The following ATP8A2 variants were observed in gnomAD, a reference collection of about 807,000 sequenced individuals.
The protein encoded by ATP8A2 is ATPase phospholipid transporting 8A2.
ATP8A2 carries 100 observed loss-of-function variants against 165.6 expected under a neutral mutation model. That is an observed-to-expected ratio of 0.60 (90% CI 0.51 to 0.71). The LOEUF (loss-of-function observed/expected upper bound fraction) is 0.71. Ranked by LOEUF, ATP8A2 falls within the 30% of genes least tolerant of loss-of-function variation. ATP8A2 has a pLI of 0.00. For synonymous variants in ATP8A2, 543 were observed against 548.8 expected, an observed-to-expected ratio of 0.99 and a Z score of 0.15; for missense variants, 1,227 against 1,479.5, an observed-to-expected ratio of 0.83 and a Z score of 2.80.
chr13:25,844,554 G>A (rs1286294986), intron 30 of ATP8A2, among the ~76,000 whole-genome samples: 1 of 151,932 alleles, frequency 6.6e-6, no homozygotes, highest in Non-Finnish European at 1.5e-5. Context: ...TTGTCATTTA[G>A]GAGAATGTAT....
At chr13:25,382,381 G>C (rs975325086) in intron 1 of ATP8A2, among the ~76,000 whole-genome samples, 2 of 152,252 alleles carry the variant, frequency 1.3e-5, no homozygotes, top group African/African-American at 4.8e-5. Flanking sequence ...TATAAATAAA[G>C]CTGCTATAAA....
intron 27 of ATP8A2, among the ~76,000 whole-genome samples, chr13:25,816,018 T>C (rs942288727): frequency 2.0e-5 from 3 of 152,168 alleles, no homozygotes; most frequent in Non-Finnish European, 4.4e-5. Context: ...ATATAGAGTT[T>C]AATGGTTTAA....
At chr13:25,458,552 C>T (rs2035423365) in intron 1 of ATP8A2, among the ~76,000 whole-genome samples, 1 of 152,166 alleles carries the variant, frequency 6.6e-6, no homozygotes, top group African/African-American at 2.4e-5. Context: ...CAATTCCAGC[C>T]ACTATAATTT....
chr13:25,399,735 TCCTTCTCCTCTTC>T lies in ATP8A2; in HGVS notation c.76+27449_76+27461del, dbSNP rs879651888. On this transcript the variant is annotated intron_variant, in intron 1 of 36. Coordinates refer to ENST00000381655, the MANE Select transcript of ATP8A2 (RefSeq NM_016529.6). ...TTCTTTTTCTTCTCCTTCCTCTTCC[TCCTTCTCCTCTTC>T]CTCCTTCTCCTCTTCCTCCTCCTCC... is the stretch of plus-strand genomic sequence containing the variant. 9.7e-3 allele frequency among the ~76,000 whole-genome samples: 1,466 copies of T among 151,258 alleles called. 12 individuals are homozygous for T. The highest frequency in any genetic ancestry group is 0.015 in the Non-Finnish European group (1,039 of 67,792).
intron 1 of ATP8A2, among the ~76,000 whole-genome samples, chr13:25,389,996 T>C (rs1000753052): frequency 6.6e-6 from 1 of 152,062 alleles, no homozygotes; most frequent in Admixed American, 6.6e-5. Flanking sequence ...TTGTTTTGTT[T>C]TGTTTTGTTT....
chr13:25,465,479 AT>A (rs200486749), intron 1 of ATP8A2, among the ~76,000 whole-genome samples: 3,313 of 151,224 alleles, frequency 0.022, 134 homozygotes, highest in African/African-American at 0.077. Context: ...CGTGTCAATA[AT>A]TTTTTTCACT....
Position 25,755,312 on chromosome 13 carries a change from A to G in ATP8A2, c.2385-13734A>G, listed in dbSNP as rs148866127. Among the ~76,000 whole-genome samples, 1,446 of 152,288 alleles carry G rather than the reference A, an allele frequency of 9.5e-3. 27 individuals carry two copies. Among genetic ancestry groups the G allele is most frequent in the African/African-American group, 0.033 (1,375 of 41,548 alleles). The stretch of plus-strand genomic sequence containing the variant: ...GGGACAAAGCTACAGAAAGGGAGGC[A>G]TACTGACCCTGCCAAAGTTCCTTCT... On this transcript the variant is annotated intron_variant, in intron 25 of 36. Coordinates refer to ENST00000381655, the MANE Select transcript of ATP8A2 (RefSeq NM_016529.6).
At chr13:25,810,274 G>T (rs1950834613) in intron 27 of ATP8A2, among the ~76,000 whole-genome samples, 1 of 152,206 alleles carries the variant, frequency 6.6e-6, no homozygotes, top group Non-Finnish European at 1.5e-5. Context: ...GTAAGTTAAA[G>T]ATGAGAATTT....
intron 33 of ATP8A2, among the ~76,000 whole-genome samples, chr13:25,894,978 A>G (rs1953489047): frequency 6.6e-6 from 1 of 152,218 alleles, no homozygotes; most frequent in Non-Finnish European, 1.5e-5. Context: ...TGTCATCTGC[A>G]AACAGGGAGA....
chr13:25,761,287 G>T (rs958407636), intron 25 of ATP8A2, among the ~76,000 whole-genome samples: 1 of 152,116 alleles, frequency 6.6e-6, no homozygotes, highest in Non-Finnish European at 1.5e-5. Context: ...ATAGCATCAG[G>T]GTTTGTCATT....
chr13:25,527,420 C>G (rs1593463544), intron 2 of ATP8A2, among the ~76,000 whole-genome samples: 1 of 152,172 alleles, frequency 6.6e-6, no homozygotes, highest in South Asian at 2.1e-4. Flanking sequence ...CTGGTGTGTT[C>G]GAGAAGTACC....
chr13:25,799,923 A>G (rs1040301001), intron 27 of ATP8A2, among the ~76,000 whole-genome samples: 1 of 152,250 alleles, frequency 6.6e-6, no homozygotes, highest in Non-Finnish European at 1.5e-5. Context: ...AAAATGTAGC[A>G]TATTTCCTAA....
chr13:25,919,893 G>A (rs913149768), intron 33 of ATP8A2, among the ~76,000 whole-genome samples: 33 of 151,990 alleles, frequency 2.2e-4, no homozygotes, highest in Non-Finnish European at 3.1e-4. Flanking sequence ...CTCAGGCAGT[G>A]CCCCCACCTC....
chr13:25,832,646 C>T (rs1309510821), intron 28 of ATP8A2, among the ~76,000 whole-genome samples: 1 of 152,124 alleles, frequency 6.6e-6, no homozygotes, highest in African/African-American at 2.4e-5. Context: ...AATTCAGCTG[C>T]CATTCCCAAA....
intron 33 of ATP8A2, among the ~76,000 whole-genome samples, chr13:25,868,728 G>A (rs993961198): frequency 1.3e-5 from 2 of 152,092 alleles, no homozygotes; most frequent in Admixed American, 6.6e-5. Context: ...TCCCCCATCC[G>A]TGTGCATTTC....
intron 24 of ATP8A2, among the ~76,000 whole-genome samples, chr13:25,672,784 C>A (rs919665622): frequency 1.4e-4 from 22 of 152,056 alleles, no homozygotes; most frequent in African/African-American, 5.3e-4. Context: ...CTAATATAGT[C>A]AATCTAATTT....
intron 2 of ATP8A2, among the ~76,000 whole-genome samples, chr13:25,492,803 G>A (rs927836658): frequency 3.3e-5 from 5 of 152,146 alleles, no homozygotes; most frequent in African/African-American, 4.8e-5. Context: ...TACAGTGACC[G>A]CAGCCCCTGC....
chr13:25,526,827 C>G (rs2037856576), intron 2 of ATP8A2, among the ~76,000 whole-genome samples: 2 of 152,188 alleles, frequency 1.3e-5, no homozygotes, highest in South Asian at 4.1e-4. Flanking sequence ...CAAGCACTCC[C>G]CATGCTTCCT....
chr13:25,456,761 G>A (rs562040243), intron 1 of ATP8A2, among the ~76,000 whole-genome samples: 1 of 152,314 alleles, frequency 6.6e-6, no homozygotes, highest in East Asian at 1.9e-4. Flanking sequence ...TAACTTCTGC[G>A]TTATGCACAC....
Sources: gnomAD v4.1 joint callset for allele counts (sites outside exome capture counted in the v4.1 genomes callset) on GRCh38, gnomAD v4.1.1 for gene constraint, MANE v1.5 for transcripts, NCBI Gene and HGNC (gene_info 2026-07-23, HGNC 2026-07-21) for gene names.